HDAC9: variants seen among roughly 807,000 people sequenced by gnomAD.
The protein encoded by HDAC9 is histone deacetylase 9, also known as MEF-2 interacting transcription repressor (MITR) protein.
Under a neutral mutation model 139.4 loss-of-function variants are expected in HDAC9, and 41 were observed. The ratio of observed to expected loss-of-function variants is 0.29; its 90% CI spans 0.23 to 0.38. HDAC9 has a LOEUF of 0.38. Ranked by LOEUF, HDAC9 falls within the 10% of genes least tolerant of loss-of-function variation. The pLI, the probability that HDAC9 is intolerant of heterozygous loss-of-function variation, is 1.00. For missense variants in HDAC9, 1,147 were observed against 1,297.0 expected (o/e 0.88, Z 1.78); for synonymous variants, 517 against 476.2 (o/e 1.09, Z -1.12).
At chr7:18,794,153 A>G (rs960699256) in intron 17 of HDAC9, among the ~76,000 whole-genome samples, 3 of 152,222 alleles carry the variant, frequency 2.0e-5, no homozygotes, top group African/African-American at 4.8e-5. Context: ...TCTTGAATGC[A>G]GTTACCCCAA....
At chr7:18,505,351 A>T (rs529266523) in intron 2 of HDAC9, among the ~76,000 whole-genome samples, 1 of 152,334 alleles carries the variant, frequency 6.6e-6, no homozygotes, top group Admixed American at 6.5e-5. Context: ...GGTTTGAATT[A>T]TACTCACCTT....
intron 2 of HDAC9, among the ~76,000 whole-genome samples, chr7:18,576,766 A>G (rs1287261740): frequency 6.6e-6 from 1 of 151,850 alleles, no homozygotes; most frequent in African/African-American, 2.4e-5. Flanking sequence ...TGCAATGATA[A>G]AAAAAAATAC....
intron 24 of HDAC9, among the ~76,000 whole-genome samples, chr7:18,961,873 C>T (rs1176496685): frequency 6.6e-6 from 1 of 152,150 alleles, no homozygotes; most frequent in Non-Finnish European, 1.5e-5. Context: ...CCCTCTTAGC[C>T]TCTAAGTTAC....
chr7:18,976,189 G>A lies in HDAC9; in HGVS notation c.3170+236G>A, dbSNP rs111363732. ...GTTGCAGTTCACAGAGAAATAGAGG[G>A]GATGAGATAAATGGTGAGAAAAATC... On this transcript the variant is annotated intron_variant, in intron 25 of 25. Coordinates refer to ENST00000686413, the MANE Select transcript of HDAC9 (RefSeq NM_178425.4). 3.9e-5 allele frequency among the ~76,000 whole-genome samples: 6 copies of A among 152,300 alleles called. 1 individual carries two copies. The highest frequency in any genetic ancestry group is 1.4e-4 in the African/African-American group (6 of 41,570).
intron 25 of HDAC9, among the ~76,000 whole-genome samples, chr7:18,987,605 T>C (rs1217355849): frequency 1.3e-5 from 2 of 152,232 alleles, no homozygotes; most frequent in African/African-American, 2.4e-5. Flanking sequence ...GAGGATTCCC[T>C]CTTTTTCTAT....
upstream of HDAC9, among the ~76,000 whole-genome samples, chr7:18,492,537 T>C (rs1472655808): frequency 2.6e-5 from 4 of 152,000 alleles, no homozygotes; most frequent in African/African-American, 4.8e-5. Flanking sequence ...TACCTTTTTC[T>C]TTGACCTATG....
chr7:18,647,958 A>C lies in HDAC9; in HGVS notation c.1209A>C (p.Leu403Phe). Residue 403 changes from leucine to phenylalanine, a missense_variant, in exon 10 of 26, where the codon TTA becomes TTC. Transcript: ENST00000686413. Reference sequence around the variant, plus strand: ...ACCAGGCTCTCCTGCAGCATTTATTATTGAAAGAACAAATGCGACAGCAAA... The same window carrying C: ...ACCAGGCTCTCCTGCAGCATTTATTCTTGAAAGAACAAATGCGACAGCAAA... ...SSHQALLQHL[L>F]LKEQMRQQKL... The C allele has an allele frequency of 6.2e-7, 1 of 1,612,182 alleles. No individual in the cohort carries two copies. The highest frequency in any genetic ancestry group is 8.5e-7 in the Non-Finnish European group (1 of 1,179,164).
intron 1 of HDAC9, among the ~76,000 whole-genome samples, chr7:18,095,983 T>C (rs1190064150): frequency 1.3e-5 from 2 of 152,228 alleles, no homozygotes; most frequent in African/African-American, 4.8e-5. Flanking sequence ...TGGCTCAGGA[T>C]AATCAGGCTT....
intron 1 of HDAC9, among the ~76,000 whole-genome samples, chr7:18,369,265 A>G (rs1784414974): frequency 6.6e-6 from 1 of 152,136 alleles, no homozygotes; most frequent in Non-Finnish European, 1.5e-5. Flanking sequence ...TGGAATTCGT[A>G]TGGAAATAAT....
rs1021438019 is a variant in HDAC9, at chr7:19,000,041, T to TA, written c.*3985dup. ...AAATAAGGGGAAAACAAGATAGAAG[T>TA]AAAAAACAACACACCTGTTGAACTA... On this transcript the variant is annotated 3_prime_UTR_variant, in exon 26 of 26. Coordinates refer to ENST00000686413, the MANE Select transcript of HDAC9 (RefSeq NM_178425.4). 26 of 152,160 alleles carry TA rather than the reference T, an allele frequency of 1.7e-4. No homozygotes were observed. The highest frequency in any genetic ancestry group is 2.6e-4 in the Non-Finnish European group (18 of 68,026). 9.4% of individuals were successfully genotyped at this position (152,160 alleles called of 1,614,324 possible).
chr7:18,292,873 CT>C (rs1444631055), intron 1 of HDAC9, among the ~76,000 whole-genome samples: 4 of 152,050 alleles, frequency 2.6e-5, no homozygotes, highest in African/African-American at 7.2e-5. Context: ...ACTTGAAGTG[CT>C]TTATCTTTTA....
chr7:18,835,129 C>A (rs1028268923), intron 19 of HDAC9, among the ~76,000 whole-genome samples: 7 of 152,110 alleles, frequency 4.6e-5, no homozygotes, highest in Non-Finnish European at 1.0e-4. Context: ...GCAAAGAGTA[C>A]AAAGAGCCGG....
rs1355419996 is a variant in HDAC9 at position 18,997,304 on chromosome 7, A to C, written c.*1242A>C. 4.0e-5 allele frequency: 6 copies of C among 151,746 alleles called. No homozygotes were observed. Among genetic ancestry groups the C allele is most frequent in the Non-Finnish European group, 8.8e-5 (6 of 67,922 alleles). The allele number at this position is 151,746 out of a possible 1,614,324, so 9.4% of individuals were successfully genotyped here. A position where few individuals can be genotyped will look rare whatever the true frequency, so the allele number is the denominator to read the frequency against. On this transcript the variant is annotated 3_prime_UTR_variant, in exon 26 of 26. Transcript: ENST00000686413. ...TAGAAGCTGTGCCTTCTTGTGAAAA[A>C]AAAAAAAAACAAAAACAAAAAACAG... is the stretch of plus-strand genomic sequence containing the variant.
At chr7:18,185,589 T>C (rs975499565) in intron 2 of HDAC9, among the ~76,000 whole-genome samples, 6 of 152,214 alleles carry the variant, frequency 3.9e-5, no homozygotes, top group Non-Finnish European at 8.8e-5. Flanking sequence ...CAAGCATAGA[T>C]AAGAGTACAT....
At chr7:18,544,244 T>C (rs1481608979) in intron 2 of HDAC9, among the ~76,000 whole-genome samples, 2 of 152,036 alleles carry the variant, frequency 1.3e-5, no homozygotes, top group African/African-American at 2.4e-5. Context: ...GAAGGTAGAG[T>C]TGATAAAGAT....
chr7:18,905,314 G>A (rs1362726106), intron 22 of HDAC9, among the ~76,000 whole-genome samples: 2 of 152,226 alleles, frequency 1.3e-5, no homozygotes, highest in Non-Finnish European at 2.9e-5. Flanking sequence ...GCAGGCACTT[G>A]AAGGTTTAAT....
chr7:18,747,574 G>C (rs897888785), intron 13 of HDAC9, among the ~76,000 whole-genome samples: 1 of 152,162 alleles, frequency 6.6e-6, no homozygotes, highest in Non-Finnish European at 1.5e-5. Flanking sequence ...TTCACTTTAT[G>C]AAAACCATGA....
chr7:18,144,280 A>G (rs1245687459), intron 1 of HDAC9, among the ~76,000 whole-genome samples: 1 of 152,202 alleles, frequency 6.6e-6, no homozygotes. Context: ...CAGTTCATGG[A>G]AAGTGAAGGC....
intron 17 of HDAC9, among the ~76,000 whole-genome samples, chr7:18,808,809 A>C (rs2129188553): frequency 1.3e-5 from 2 of 152,234 alleles, no homozygotes; most frequent in African/African-American, 4.8e-5. Context: ...TATGGAACCA[A>C]AAAAGACCCT....
Sources: gnomAD v4.1 joint callset for allele counts (sites outside exome capture counted in the v4.1 genomes callset) on GRCh38, gnomAD v4.1.1 for gene constraint, MANE v1.5 for transcripts, NCBI Gene and HGNC (gene_info 2026-07-23, HGNC 2026-07-21) for gene names.